EML1: variants seen among roughly 807,000 people sequenced by gnomAD.
EML1 encodes the protein EMAP like 1.
A neutral mutation model predicts 110.4 loss-of-function variants in EML1; 27 were observed. The observed-to-expected ratio is 0.24, with a 90% CI of 0.18 to 0.34. The LOEUF is 0.34. EML1 is among the 10% of genes least tolerant of loss of function. The probability of loss-of-function intolerance (pLI) is 1.00; values close to 1 mark genes in which losing one functional copy is unlikely to be tolerated. For synonymous variants in EML1, 344 were observed against 385.8 expected (o/e 0.89, Z 1.27); for missense variants, 741 against 1,030.9 (o/e 0.72, Z 3.85).
At chr14:99,776,088 C>A (rs1374330274) in intron 1 of EML1, among the ~76,000 whole-genome samples, 1 of 152,164 alleles carries the variant, frequency 6.6e-6, no homozygotes, top group Non-Finnish European at 1.5e-5. Context: ...AAAATGAAAT[C>A]TTAGCAGGTA....
chr14:99,905,777 G>A lies in EML1; in HGVS notation c.1009-1861G>A, dbSNP rs2059834696. Among the ~76,000 whole-genome samples, 1 of 152,068 alleles carries A rather than the reference G, an allele frequency of 6.6e-6. No homozygotes were observed. Among genetic ancestry groups the A allele is most frequent in the Admixed American group, 6.5e-5 (1 of 15,274 alleles). On this transcript the variant is annotated intron_variant, in intron 9 of 21. Transcript: ENST00000262233. This position sits in a 1 kb window ranked among gnomAD's most constrained non-coding sequence, Gnocchi z 4.1. The stretch of plus-strand genomic sequence containing the variant: ...GGACCTCTAACCCCCTAAATCTTAG[G>A]AAGGACTCTAACCTTCCTAAGTTGG...
intron 3 of EML1, among the ~76,000 whole-genome samples, chr14:99,872,341 C>G (rs1484693079): frequency 6.6e-6 from 1 of 152,122 alleles, no homozygotes; most frequent in African/African-American, 2.4e-5. Flanking sequence ...TGAACGAACA[C>G]GTGAAAAATT....
At chr14:99,791,198 C>T (rs945055737), upstream of EML1, among the ~76,000 whole-genome samples, 1 of 152,224 alleles carries the variant, frequency 6.6e-6, no homozygotes, top group Admixed American at 6.5e-5. Flanking sequence ...TACCTGCCCT[C>T]TCCCTTTGAT....
intron 1 of EML1, among the ~76,000 whole-genome samples, chr14:99,807,210 A>G (rs1293007721): frequency 1.3e-5 from 2 of 152,224 alleles, no homozygotes; most frequent in Non-Finnish European, 2.9e-5. Context: ...TCTGTAATCT[A>G]CCACCAAATT....
rs1399920978 is a variant in EML1 at position 99,905,664 on chromosome 14, G to A, written c.1009-1974G>A. On this transcript the variant is annotated intron_variant, in intron 9 of 21. Transcript: ENST00000262233. The surrounding 1 kb of genome is among the most constrained non-coding windows in gnomAD (Gnocchi z 4.1). The stretch of plus-strand genomic sequence containing the variant: ...TCACCCTTAGCCATCAGCAAAGAGT[G>A]CAAGGCAGATAAACCCAAAGATGAT... Among the ~76,000 whole-genome samples the A allele has an allele frequency of 6.6e-6, 1 of 152,202 alleles. No homozygotes were observed. Among genetic ancestry groups the A allele is most frequent in the Non-Finnish European group, 1.5e-5 (1 of 68,044 alleles).
intron 1 of EML1, among the ~76,000 whole-genome samples, chr14:99,767,893 G>T (rs906429448): frequency 6.6e-6 from 1 of 151,560 alleles, no homozygotes; most frequent in Non-Finnish European, 1.5e-5. Context: ...CAGAGACTTT[G>T]TCTTATATTT....
chr14:99,832,941 C>T (rs1299329959), intron 1 of EML1, among the ~76,000 whole-genome samples: 3 of 152,040 alleles, frequency 2.0e-5, no homozygotes, highest in African/African-American at 7.2e-5. Context: ...TGTGTCGGTT[C>T]TTACATGGGT....
At chr14:99,739,063 A>AGTGT (rs1470091093) in intron 1 of EML1, among the ~76,000 whole-genome samples, 1 of 51,476 alleles carries the variant, frequency 1.9e-5, no homozygotes, top group Non-Finnish European at 5.0e-5. Flanking sequence ...TGAGAGTGTG[A>AGTGT]GAGTGTGTGT....
At chr14:99,811,131 G>A (rs1169698104) in intron 1 of EML1, among the ~76,000 whole-genome samples, 1 of 152,020 alleles carries the variant, frequency 6.6e-6, no homozygotes, top group East Asian at 1.9e-4. Flanking sequence ...GGGGTGCTGA[G>A]CCCTAGCACA....
rs1211948951 is a variant in EML1, at chr14:99,897,305, A to C, written c.827+11A>C. On this transcript the variant is annotated intron_variant, in intron 7 of 21. Transcript: ENST00000262233. Reference sequence around the variant, plus strand: ...CGATGACGTGAAGTGGTAAGTCCTGAAACAGGTCATTCCTGCGACTCAGAA... The same window carrying C: ...CGATGACGTGAAGTGGTAAGTCCTGCAACAGGTCATTCCTGCGACTCAGAA... 5 of 1,585,896 alleles carry C rather than the reference A, an allele frequency of 3.2e-6. No homozygotes were observed. In the Admixed American group the frequency reaches 5.3e-5, roughly 17 times the overall value.
intron 1 of EML1, among the ~76,000 whole-genome samples, chr14:99,779,459 C>CT (rs1299559730): frequency 3.3e-5 from 5 of 152,098 alleles, no homozygotes. Flanking sequence ...CTCACTCTAC[C>CT]TTTTTTTGTT....
chr14:99,862,223 A>T (rs1478140686), intron 2 of EML1, among the ~76,000 whole-genome samples: 1 of 152,210 alleles, frequency 6.6e-6, no homozygotes, highest in African/African-American at 2.4e-5. Flanking sequence ...GAAGGCACAG[A>T]GGTAAAGTGC....
intron 1 of EML1, among the ~76,000 whole-genome samples, chr14:99,824,711 A>G (rs2058323105): frequency 6.6e-6 from 1 of 152,132 alleles, no homozygotes; most frequent in Admixed American, 6.5e-5. Flanking sequence ...AATGGTGAAC[A>G]CTGTACCCTG....
intron 1 of EML1, among the ~76,000 whole-genome samples, chr14:99,814,194 T>G (rs916900920): frequency 6.6e-6 from 1 of 152,212 alleles, no homozygotes; most frequent in African/African-American, 2.4e-5. Context: ...CTCGGAAGAT[T>G]CAGGACTAGA....
intron 1 of EML1, among the ~76,000 whole-genome samples, chr14:99,793,819 A>T (rs1364267883): frequency 1.3e-5 from 2 of 148,336 alleles, no homozygotes; most frequent in African/African-American, 4.9e-5. Context: ...GCACCCGCGG[A>T]GCGCGCCCGG....
chr14:99,757,606 T>C (rs775173602), intron 1 of EML1, among the ~76,000 whole-genome samples: 19 of 152,146 alleles, frequency 1.2e-4, no homozygotes, highest in Admixed American at 3.3e-4. Flanking sequence ...AAAAGCAAAG[T>C]TGAGTCATAT....
intron 1 of EML1, among the ~76,000 whole-genome samples, chr14:99,780,818 G>A (rs1212822822): frequency 6.6e-6 from 1 of 152,186 alleles, no homozygotes; most frequent in Non-Finnish European, 1.5e-5. Flanking sequence ...TTGCAGCCTA[G>A]GAGCAATGGG....
chr14:99,836,737 G>T (rs1019814231), intron 1 of EML1, among the ~76,000 whole-genome samples: 1 of 152,126 alleles, frequency 6.6e-6, no homozygotes, highest in African/African-American at 2.4e-5. Context: ...GCCTCGTTGG[G>T]TGCTGGATAT....
chr14:99,910,220 AT>A (rs1383977811), intron 11 of EML1, 21 bp from the exon 12 acceptor site: 8 of 1,521,412 alleles, frequency 5.3e-6, no homozygotes, highest in South Asian at 1.2e-5. Flanking sequence ...TATATATATA[AT>A]TTTTTTACTA....
Sources: gnomAD v4.1 joint callset for allele counts (sites outside exome capture counted in the v4.1 genomes callset) on GRCh38, gnomAD v4.1.1 for gene constraint, Gnocchi (gnomAD v3.1) non-coding constraint, MANE v1.5 for transcripts, NCBI Gene and HGNC (gene_info 2026-07-23, HGNC 2026-07-21) for gene names.